GRID1: variants seen among roughly 807,000 people sequenced by gnomAD.
GRID1 encodes the protein glutamate ionotropic receptor delta type subunit 1.
A neutral mutation model predicts 98.0 loss-of-function variants in GRID1; 28 were observed. The observed-to-expected ratio is 0.29, with a 90% CI of 0.21 to 0.39. GRID1 has a LOEUF of 0.39. Ranked by LOEUF, GRID1 falls within the 10% of genes least tolerant of loss-of-function variation. GRID1 has a pLI of 1.00. For missense variants in GRID1, 1,111 were observed against 1,340.5 expected (o/e 0.83, Z 2.67); for synonymous variants, 553 against 538.5 (o/e 1.03, Z -0.37).
intron 2 of GRID1, among the ~76,000 whole-genome samples, chr10:86,342,925 G>A (rs1298242513): frequency 6.6e-6 from 1 of 152,248 alleles, no homozygotes; most frequent in Non-Finnish European, 1.5e-5. Flanking sequence ...GTTCCTTGGT[G>A]TATATGCCCA....
At chr10:85,606,991 G>C (rs1842675052) in intron 15 of GRID1, 1 of 152,128 alleles carries the variant, frequency 6.6e-6, no homozygotes, top group Non-Finnish European at 1.5e-5. Flanking sequence ...AACTGACCTA[G>C]TCAAACATCC....
At chr10:85,698,254 G>C (rs898315344) in intron 12 of GRID1, among the ~76,000 whole-genome samples, 8 of 152,060 alleles carry the variant, frequency 5.3e-5, no homozygotes, top group African/African-American at 1.9e-4. Context: ...AGAATGAAAG[G>C]CTCACATGCA....
intron 8 of GRID1, among the ~76,000 whole-genome samples, chr10:85,770,755 T>C (rs1842256154): frequency 6.6e-6 from 1 of 151,662 alleles, no homozygotes; most frequent in Admixed American, 6.6e-5. Flanking sequence ...TGAAATGAAG[T>C]GAGAAGGGAA....
intron 12 of GRID1, among the ~76,000 whole-genome samples, chr10:85,653,510 A>G (rs577101092): frequency 1.1e-4 from 17 of 152,330 alleles, no homozygotes; most frequent in African/African-American, 3.1e-4. Context: ...CTACCTTGCA[A>G]CATTTACCTG....
chr10:86,204,731 G>A (rs1846001282), intron 3 of GRID1, among the ~76,000 whole-genome samples: 1 of 152,192 alleles, frequency 6.6e-6, no homozygotes, highest in Non-Finnish European at 1.5e-5. Flanking sequence ...TGTGTCTGCA[G>A]GCCAGATTGG....
intron 4 of GRID1, among the ~76,000 whole-genome samples, chr10:86,045,042 G>A (rs143784425): frequency 1.2e-4 from 18 of 152,308 alleles, no homozygotes; most frequent in East Asian, 7.7e-4. Context: ...TCCTTGCTCC[G>A]GCGCAGCCTG....
chr10:86,212,241 T>A (rs2132023731), intron 2 of GRID1, among the ~76,000 whole-genome samples: 1 of 152,328 alleles, frequency 6.6e-6, no homozygotes, highest in South Asian at 2.1e-4. Flanking sequence ...TTTCCCTCTG[T>A]CAGGTGCCCT....
chr10:85,771,871 T>C lies in GRID1; in HGVS notation c.1234-42257A>G, dbSNP rs190973504. 4.0e-3 allele frequency among the ~76,000 whole-genome samples: 614 copies of C among 152,186 alleles called. 5 individuals carry two copies. Among genetic ancestry groups the C allele is most frequent in the Non-Finnish European group, 5.0e-3 (337 of 67,990 alleles). On this transcript the variant is annotated intron_variant, in intron 8 of 15. Transcript: ENST00000327946. ...GACTTAGACTCCCACACAATAACAG[T>C]GGGAGACTTTAACACCCCACTGTCA...
chr10:85,891,826 C>A (rs909087732), intron 5 of GRID1, among the ~76,000 whole-genome samples: 1 of 151,986 alleles, frequency 6.6e-6, no homozygotes, highest in Non-Finnish European at 1.5e-5. Context: ...GGCATCTAAT[C>A]AAAAATTATC....
At chr10:86,267,521 A>T (rs1045602804) in intron 2 of GRID1, among the ~76,000 whole-genome samples, 4 of 152,204 alleles carry the variant, frequency 2.6e-5, no homozygotes, top group African/African-American at 9.6e-5. Context: ...TCATCCCCCC[A>T]GGGTGAACAG....
intron 2 of GRID1, among the ~76,000 whole-genome samples, chr10:86,301,228 A>C (rs1847681963): frequency 1.3e-5 from 2 of 152,190 alleles, no homozygotes; most frequent in Admixed American, 1.3e-4. Context: ...CTCACCTTGG[A>C]CCTGCTGCTG....
At chr10:85,667,334 G>C (rs557967194) in intron 12 of GRID1, among the ~76,000 whole-genome samples, 2 of 152,052 alleles carry the variant, frequency 1.3e-5, no homozygotes, top group Non-Finnish European at 2.9e-5. Flanking sequence ...GAGAGAGAGA[G>C]AGAGAGAGAG....
intron 10 of GRID1, among the ~76,000 whole-genome samples, chr10:85,727,491 T>C (rs1157661906): frequency 6.6e-6 from 1 of 152,114 alleles, no homozygotes; most frequent in African/African-American, 2.4e-5. Context: ...CTGTGGTCTA[T>C]AAGGGATAGG....
At chr10:85,850,671 C>T (rs60195867) in intron 8 of GRID1, among the ~76,000 whole-genome samples, 8,853 of 152,244 alleles carry the variant, frequency 0.058, 301 homozygotes, top group Non-Finnish European at 0.071. Context: ...GAGATAGATA[C>T]GCTCAGAGAA....
intron 5 of GRID1, among the ~76,000 whole-genome samples, chr10:85,885,549 T>C (rs900815774): frequency 1.3e-5 from 2 of 152,158 alleles, no homozygotes; most frequent in African/African-American, 4.8e-5. Flanking sequence ...ATGAGAACAA[T>C]AAAAATGATG....
intron 4 of GRID1, among the ~76,000 whole-genome samples, chr10:86,080,641 G>T (rs1299904726): frequency 6.6e-6 from 1 of 152,092 alleles, no homozygotes; most frequent in African/African-American, 2.4e-5. Context: ...TTGGAGAGTG[G>T]AGTGTCTGAG....
chr10:85,952,321 A>G (rs907457348), intron 4 of GRID1, among the ~76,000 whole-genome samples: 4 of 152,278 alleles, frequency 2.6e-5, no homozygotes, highest in Admixed American at 6.5e-5. Flanking sequence ...AACAATTCAT[A>G]GAACAACCAA....
chr10:85,954,051 T>C (rs912367302), intron 4 of GRID1, among the ~76,000 whole-genome samples: 1 of 152,054 alleles, frequency 6.6e-6, no homozygotes, highest in African/African-American at 2.4e-5. Context: ...CATAATCAAG[T>C]CAAATGAGAG....
At chr10:86,291,788 A>G (rs1261435204) in intron 2 of GRID1, among the ~76,000 whole-genome samples, 6 of 152,166 alleles carry the variant, frequency 3.9e-5, no homozygotes, top group Non-Finnish European at 7.4e-5. Context: ...CAATGCTAGC[A>G]CCATGCCCTG....
Sources: gnomAD v4.1 joint callset for allele counts (sites outside exome capture counted in the v4.1 genomes callset) on GRCh38, gnomAD v4.1.1 for gene constraint, MANE v1.5 for transcripts, NCBI Gene and HGNC (gene_info 2026-07-23, HGNC 2026-07-21) for gene names.